The following ERAP2 variants were observed in gnomAD, a reference collection of about 807,000 sequenced individuals.
ERAP2 encodes the protein leukocyte-derived arginine aminopeptidase.
Under a neutral mutation model 111.1 loss-of-function variants are expected in ERAP2, and 118 were observed. That is an observed-to-expected ratio of 1.06 (90% confidence interval 0.92 to 1.24). The LOEUF (loss-of-function observed/expected upper bound fraction) is 1.24, where lower values mean the gene tolerates loss of function less well. ERAP2 is among the 50% of genes most tolerant of loss of function. ERAP2 has a pLI of 0.00. For synonymous variants in ERAP2, 410 were observed against 401.2 expected, an observed-to-expected ratio of 1.02 and a Z score of -0.26; for missense variants, 1,131 against 1,125.8, an observed-to-expected ratio of 1.00 and a Z score of -0.07.
chr5:96,883,760 T>A, intron 2 of ERAP2, 32 bp from the exon 3 acceptor site: 1 of 1,591,474 alleles, frequency 6.3e-7, no homozygotes, highest in Non-Finnish European at 8.5e-7. Context: ...ATTTCACTTG[T>A]GCATTTTGGC....
At chr5:96,878,105 TTA>T (rs1220279185) in intron 1 of ERAP2, among the ~76,000 whole-genome samples, 19 of 152,298 alleles carry the variant, frequency 1.2e-4, no homozygotes, top group African/African-American at 3.9e-4. Flanking sequence ...TGTCCTAATT[TTA>T]TATGTGTTGT....
Position 96,915,752 on chromosome 5 carries a change from A to G in ERAP2, c.2722A>G (p.Lys908Glu). 2 of 1,602,218 alleles carry G rather than the reference A, an allele frequency of 1.2e-6. No individual in the cohort carries two copies. The highest frequency in any genetic ancestry group is 1.7e-6 in the Non-Finnish European group (2 of 1,174,464). The change falls in exon 18 of 19, where the codon AAG becomes GAG. Residue 908 changes from lysine (K) to glutamate (E), a missense_variant. Lys to Glu is a moderately conservative substitution (Grantham distance 56). Around this residue, in one of 3 missense-constraint regions of ERAP2, gnomAD observed 279 missense variants for 250.9 expected, o/e 1.11. Transcript: ENST00000437043. ...ISGTTAHFSS[K>E]DKLQEVKLFF... ...TGGCACAACAGCTCACTTTTCTTCC[A>G]AGGATAAGTTGCAAGAGGTTTGTGA...
intron 13 of ERAP2, among the ~76,000 whole-genome samples, chr5:96,906,456 T>C (rs953873048): frequency 6.6e-6 from 1 of 152,104 alleles, no homozygotes; most frequent in Admixed American, 6.6e-5. Context: ...TTGGCAGAGA[T>C]GGCGTCTGCC....
intron 13 of ERAP2, among the ~76,000 whole-genome samples, chr5:96,904,337 A>C (rs556444260): frequency 1.3e-5 from 2 of 152,324 alleles, no homozygotes; most frequent in African/African-American, 4.8e-5. Flanking sequence ...AGCTTTCCCT[A>C]TTCTGAGAAT....
intron 13 of ERAP2, among the ~76,000 whole-genome samples, chr5:96,907,698 A>G (rs952921480): frequency 3.9e-5 from 6 of 152,210 alleles, no homozygotes; most frequent in African/African-American, 1.2e-4. Flanking sequence ...CCTGGCCAAC[A>G]TGGTGAAATC....
chr5:96,896,267 G>A (rs1784848823), intron 7 of ERAP2, 106 bp from the exon 8 acceptor site: 8 of 853,104 alleles, frequency 9.4e-6, no homozygotes, highest in South Asian at 4.1e-5. Flanking sequence ...AAGAAATATC[G>A]ATTGAAATCT....
At chr5:96,896,704 T>C in intron 8 of ERAP2, 28 bp from the exon 9 acceptor site, 1 of 1,549,492 alleles carries the variant, frequency 6.5e-7, no homozygotes, top group Non-Finnish European at 8.7e-7. Context: ...TTTATCTCTT[T>C]TTTCAACTCT....
At chr5:96,908,883 T>G in intron 13 of ERAP2, 78 bp from the exon 14 acceptor site, 3 of 1,411,534 alleles carry the variant, frequency 2.1e-6, no homozygotes, top group Admixed American at 4.3e-5. Flanking sequence ...TGTTCTCTAT[T>G]TCATATTTGT....
chr5:96,906,299 G>A (rs950238323), intron 13 of ERAP2, among the ~76,000 whole-genome samples: 51 of 151,374 alleles, frequency 3.4e-4, no homozygotes, highest in African/African-American at 1.2e-3. Flanking sequence ...TCTTCTTCAA[G>A]GGCTTTACTC....
Position 96,913,369 on chromosome 5 carries a change from G to A in ERAP2, c.2569G>A (p.Ala857Thr), listed in dbSNP as rs750988153. Residue 857 changes from alanine to threonine, a missense_variant, in exon 17 of 19, where the codon GCT becomes ACT. Physicochemically the swap from Ala to Thr is moderately conservative, Grantham distance 58. Transcript: ENST00000437043. Reference protein sequence around the residue: ...GKVIKTQNLAALLHAIARRPK... With the variant: ...GKVIKTQNLATLLHAIARRPK... ...GGTTATCAAGACACAGAACTTGGCA[G>A]CTCTCCTTCATGCGATTGCCAGACG... The A allele has an allele frequency of 6.2e-6, 10 of 1,614,026 alleles. No individual in the cohort carries two copies. The South Asian group carries it at 1.1e-4, about 18-fold the overall frequency.
intron 2 of ERAP2, among the ~76,000 whole-genome samples, chr5:96,883,288 C>T (rs1025335451): frequency 3.3e-5 from 5 of 152,164 alleles, no homozygotes; most frequent in Admixed American, 2.6e-4. Context: ...TCCCTCACTC[C>T]CTTACCTGTT....
Position 96,901,499 on chromosome 5 carries a change from AT to A in ERAP2, c.1573-4del, listed in dbSNP as rs1372193875. ...TCTTGAGTTATCATAGTCACCTGTCATTTCAGCTCGCCTTTCTGGGGGAAAA... is the reference window on the plus strand; with the variant it reads ...TCTTGAGTTATCATAGTCACCTGTCATTCAGCTCGCCTTTCTGGGGGAAAA... On this transcript the variant is annotated splice_polypyrimidine_tract_variant and splice_region_variant and intron_variant, in intron 10 of 18. Coordinates refer to ENST00000437043, the MANE Select transcript of ERAP2 (RefSeq NM_022350.5). The A allele has an allele frequency of 8.1e-6, 13 of 1,612,582 alleles. No individual in the cohort carries two copies. Among genetic ancestry groups the A allele is most frequent in the Non-Finnish European group, 9.3e-6 (11 of 1,178,992 alleles).
At chr5:96,917,389 G>C in intron 18 of ERAP2, 73 bp from the exon 19 acceptor site, 1 of 1,453,038 alleles carries the variant, frequency 6.9e-7, no homozygotes, top group East Asian at 2.4e-5. Flanking sequence ...CCGAAGTGCT[G>C]GGATTACAGG....
chr5:96,876,463 T>C (rs558009131), upstream of ERAP2: 8 of 152,474 alleles, frequency 5.2e-5, no homozygotes, highest in African/African-American at 1.9e-4. Context: ...TTCTGAATCT[T>C]AGAACAGAAA....
At chr5:96,909,932 G>C in intron 15 of ERAP2, 168 bp downstream of exon 15, 1 of 612,576 alleles carries the variant, frequency 1.6e-6, no homozygotes, top group Non-Finnish European at 2.8e-6. Flanking sequence ...TATGTATGGA[G>C]ACTAGTACAA....
Position 96,889,082 on chromosome 5 carries a change from C to G in ERAP2, c.850-103C>G, listed in dbSNP as rs1224395132. 9.5e-6 allele frequency: 13 copies of G among 1,369,606 alleles called. No homozygotes were observed. In the Admixed American group the frequency reaches 2.3e-4, roughly 24 times the overall value. 84.8% of individuals were successfully genotyped at this position (1,369,606 alleles called of 1,614,324 possible). ...ATGCTTAATGGTATCTTAATACTTT[C>G]TTGAAAAGATACAGTCTGCCTTTCT... On this transcript the variant is annotated intron_variant, in intron 4 of 18. Transcript: ENST00000437043.
intron 6 of ERAP2, among the ~76,000 whole-genome samples, chr5:96,893,038 A>C (rs1561374381): frequency 6.6e-6 from 1 of 152,208 alleles, no homozygotes; most frequent in Non-Finnish European, 1.5e-5. Context: ...TGCGGATCAC[A>C]TAGTAAGCAC....
chr5:96,884,960 C>CA (rs1449645888), intron 3 of ERAP2, among the ~76,000 whole-genome samples: 2 of 94,076 alleles, frequency 2.1e-5, no homozygotes, highest in African/African-American at 8.5e-5. Context: ...GTGTTTTGTA[C>CA]TTGAGATTAC....
intron 6 of ERAP2, among the ~76,000 whole-genome samples, chr5:96,894,643 T>C (rs2151156766): frequency 6.6e-6 from 1 of 152,300 alleles, no homozygotes; most frequent in South Asian, 2.1e-4. Flanking sequence ...GCATCCTTTT[T>C]ATTTGATTTA....
Sources: gnomAD v4.1 joint callset for allele counts (sites outside exome capture counted in the v4.1 genomes callset) on GRCh38, gnomAD v4.1.1 for gene constraint, gnomAD v4.1.1 regional missense constraint, MANE v1.5 for transcripts, NCBI Gene and HGNC (gene_info 2026-07-23, HGNC 2026-07-21) for gene names.